The following MAPT variants were observed in gnomAD, a reference collection of about 807,000 sequenced individuals.
The protein encoded by MAPT is microtubule associated protein tau.
A neutral mutation model predicts 67.9 loss-of-function variants in MAPT; 34 were observed. That is an observed-to-expected ratio of 0.50 (90% CI 0.38 to 0.67). MAPT has a LOEUF of 0.67. MAPT is among the 30% of genes least tolerant of loss of function. The pLI, the probability that MAPT is intolerant of heterozygous loss-of-function variation, is 0.00. For missense variants in MAPT, 881 were observed against 1,115.2 expected, an observed-to-expected ratio of 0.79 and a Z score of 2.99; for synonymous variants, 456 against 464.5, an observed-to-expected ratio of 0.98 and a Z score of 0.23.
intron 9 of MAPT, among the ~76,000 whole-genome samples, chr17:45,998,953 C>T (rs772866467): frequency 2.6e-5 from 4 of 152,150 alleles, no homozygotes; most frequent in Non-Finnish European, 2.9e-5. Flanking sequence ...CCATCCTGCT[C>T]CAGCACCCAG....
chr17:45,978,557 T>TC, intron 4 of MAPT, 117 bp downstream of exon 4: 1 of 811,630 alleles, frequency 1.2e-6, no homozygotes, highest in Non-Finnish European at 2.0e-6. Context: ...CCAGGAGATT[T>TC]TAGGGAGTTG....
intron 1 of MAPT, among the ~76,000 whole-genome samples, chr17:45,909,188 C>T (rs1326224463): frequency 2.0e-5 from 3 of 151,924 alleles, no homozygotes; most frequent in Non-Finnish European, 2.9e-5. Flanking sequence ...CCTTAGACCA[C>T]GAACACCCTG....
chr17:45,987,285 C>T (rs1021507586), intron 6 of MAPT, among the ~76,000 whole-genome samples, 190 bp downstream of exon 6: 21 of 152,200 alleles, frequency 1.4e-4, no homozygotes, highest in Admixed American at 9.8e-4. Flanking sequence ...ATACTTACCC[C>T]AGGGAAGAGC....
chr17:45,909,614 G>A (rs1232213938), intron 1 of MAPT, among the ~76,000 whole-genome samples: 1 of 152,100 alleles, frequency 6.6e-6, no homozygotes, highest in Non-Finnish European at 1.5e-5. Context: ...GCTCATGCCT[G>A]TAATCCCAAC....
Position 46,014,257 on chromosome 17 carries a change from C to T in MAPT, c.2106C>T (p.Tyr702=). 1 of 1,612,820 alleles carries T rather than the reference C, an allele frequency of 6.2e-7. No individual in the cohort carries two copies. Among genetic ancestry groups the T allele is most frequent in the East Asian group, 2.2e-5 (1 of 44,886 alleles). Residue 702 remains tyrosine (Y), a synonymous_variant, in exon 11 of 13, where the codon TAC becomes TAT. Transcript: ENST00000262410. ...CTCATCTCCAGGTGCAAATAGTCTACAAACCAGTTGACCTGAGCAAGGTGA... is the reference window on the plus strand; with the variant it reads ...CTCATCTCCAGGTGCAAATAGTCTATAAACCAGTTGACCTGAGCAAGGTGA... ...VPGGGSVQIV[Y]KPVDLSKVTS...
chr17:46,000,192 C>A (rs1021302736), intron 9 of MAPT, among the ~76,000 whole-genome samples: 4 of 152,242 alleles, frequency 2.6e-5, no homozygotes, highest in Admixed American at 2.6e-4. Context: ...AGCCAAGTCA[C>A]GTTTGGGAAC....
At chr17:45,984,056 AAAT>A in intron 5 of MAPT, 126 bp downstream of exon 5, 1 of 815,884 alleles carries the variant, frequency 1.2e-6, no homozygotes, top group Non-Finnish European at 1.9e-6. Flanking sequence ...GGACGCCACT[AAAT>A]CGACACCTGG....
Position 45,911,070 on chromosome 17 carries a change from A to G in MAPT, c.-18+16384A>G, listed in dbSNP as rs542742530. On this transcript the variant is annotated intron_variant, in intron 1 of 12. Transcript: ENST00000262410. ...AAAGATAATTGGTAAATGAGTTTCT[A>G]TCCTTCTAGTTTCACATCAAATGGA... Among the ~76,000 whole-genome samples the G allele has an allele frequency of 1.1e-4, 17 of 152,334 alleles. No homozygotes were observed. The East Asian group carries it at 1.5e-3, about 14-fold the overall frequency.
At chr17:45,979,779 T>G (rs2072757602) in intron 4 of MAPT, 2 of 152,274 alleles carry the variant, frequency 1.3e-5, no homozygotes, top group African/African-American at 4.8e-5. Context: ...GGGTTTGAGT[T>G]TTTTCTACTG....
chr17:45,896,002 GC>G lies in MAPT; in HGVS notation c.-18+1317del, dbSNP rs2063181346. 6.6e-6 allele frequency: 1 copy of G among 152,334 alleles called. No homozygotes were observed. The highest frequency in any genetic ancestry group is 2.4e-5 in the African/African-American group (1 of 41,458). 9.4% of individuals were successfully genotyped at this position (152,334 alleles called of 1,614,324 possible). ...TGTCTGTAGAGGTTACGTGATCTGC[GC>G]TCCCAGCCCTGGTTTCTGGCTTTTA... On this transcript the variant is annotated intron_variant, in intron 1 of 12. Transcript: ENST00000262410. This position sits in a 1 kb window ranked among gnomAD's most constrained non-coding sequence, Gnocchi z 5.6.
rs1174355208 is a variant in MAPT, at chr17:45,978,409, G to T, written c.255G>T (p.Leu85=). 6.2e-7 allele frequency: 1 copy of T among 1,613,656 alleles called. No homozygotes were observed. Among genetic ancestry groups the T allele is most frequent in the Non-Finnish European group, 8.5e-7 (1 of 1,179,972 alleles). ...EEAGIGDTPS[L]EDEAAGHVTQ... ...CAGGCATTGGAGACACCCCCAGCCT[G>T]GAAGACGAAGCTGCTGGTCACGTGA... Residue 85 remains leucine (L), a synonymous_variant, in exon 4 of 13, where the codon CTG becomes CTT. Coordinates refer to ENST00000262410, the MANE Select transcript of MAPT (RefSeq NM_001377265.1).
intron 1 of MAPT, among the ~76,000 whole-genome samples, chr17:45,936,464 A>G (rs1019743962): frequency 6.6e-6 from 1 of 152,252 alleles, no homozygotes; most frequent in Non-Finnish European, 1.5e-5. Flanking sequence ...CACAGCATCA[A>G]TAATGCATTC....
At chr17:45,902,526 T>C (rs1277043266) in intron 1 of MAPT, among the ~76,000 whole-genome samples, 1 of 152,194 alleles carries the variant, frequency 6.6e-6, no homozygotes, top group African/African-American at 2.4e-5. Flanking sequence ...CTTGCATGTT[T>C]ACAGACCTTC....
intron 1 of MAPT, among the ~76,000 whole-genome samples, chr17:45,901,792 A>G (rs2063627628): frequency 6.6e-6 from 1 of 152,070 alleles, no homozygotes; most frequent in African/African-American, 2.4e-5. Context: ...AGCCAGTTGA[A>G]ATTTCTTGTC....
chr17:45,977,890 T>G, intron 3 of MAPT: 1 of 167,154 alleles, frequency 6.0e-6, no homozygotes, highest in Non-Finnish European at 1.3e-5. Flanking sequence ...CATCTTGGGG[T>G]TCAAGATGAG....
At position 46,016,390 on chromosome 17, in the gene MAPT, C is replaced by CAA. The variant is rs1263862033; in HGVS notation, c.2173+2080_2173+2081dup. Among the ~76,000 whole-genome samples the CAA allele has an allele frequency of 3.9e-3, 399 of 101,050 alleles. 1 individual carries two copies. Among genetic ancestry groups the CAA allele is most frequent in the African/African-American group, 0.013 (375 of 29,356 alleles). The allele number at this position is 101,050 out of a possible 152,430, so 66.3% of individuals were successfully genotyped here. On this transcript the variant is annotated intron_variant, in intron 11 of 12. Coordinates refer to ENST00000262410, the MANE Select transcript of MAPT (RefSeq NM_001377265.1). The stretch of plus-strand genomic sequence containing the variant: ...TGGGTGAGGGAGTGAGACTCCGTCT[C>CAA]AAAAAAAAAAAAAAAGAAAGAAAAA...
rs1357113635 is a variant in MAPT, at chr17:45,894,579, G to C, written c.-125G>C. The C allele has an allele frequency of 3.2e-5, 5 of 154,246 alleles. No individual in the cohort carries two copies. Among genetic ancestry groups the C allele is most frequent in the South Asian group, 2.0e-4 (1 of 4,924 alleles). 9.6% of individuals were successfully genotyped at this position (154,246 alleles called of 1,614,324 possible). ...GCAGTCACCGCCACCCACCAGCTCC[G>C]GCACCAACAGCAGCGCCGCTGCCAC... On this transcript the variant is annotated 5_prime_UTR_variant, in exon 1 of 13. Transcript: ENST00000262410.
intron 10 of MAPT, among the ~76,000 whole-genome samples, chr17:46,012,649 G>A (rs139996454): frequency 6.6e-6 from 1 of 152,076 alleles, no homozygotes; most frequent in African/African-American, 2.4e-5. Context: ...GCTCTGCAGG[G>A]CCTGCTGTCC....
At chr17:45,962,279 C>T in intron 1 of MAPT, 42 bp from the exon 2 acceptor site, 2 of 1,570,470 alleles carry the variant, frequency 1.3e-6, no homozygotes, top group East Asian at 4.5e-5. Context: ...ACTCTGCCCC[C>T]CAACACTCCT....
Sources: gnomAD v4.1 joint callset for allele counts (sites outside exome capture counted in the v4.1 genomes callset) on GRCh38, gnomAD v4.1.1 for gene constraint, Gnocchi (gnomAD v3.1) non-coding constraint, MANE v1.5 for transcripts, NCBI Gene and HGNC (gene_info 2026-07-23, HGNC 2026-07-21) for gene names.